Variants in PCDHA2 observed in about 807,000 individuals in gnomAD.
The protein encoded by PCDHA2 is protocadherin alpha-2.
Under a neutral mutation model 66.0 loss-of-function variants are expected in PCDHA2, and 58 were observed. That is an observed-to-expected ratio of 0.88 (90% CI 0.71 to 1.09). The LOEUF is 1.09. Among genes scored for constraint, PCDHA2 ranks in the 50% least tolerant of loss-of-function variants. The pLI is 0.00. For synonymous variants in PCDHA2, 634 were observed against 554.0 expected (o/e 1.14, Z -2.03); for missense variants, 1,267 against 1,242.3 (o/e 1.02, Z -0.30).
At chr5:140,856,019 C>G in intron 1 of PCDHA2, 1 of 1,551,820 alleles carries the variant, frequency 6.4e-7, no homozygotes, top group Non-Finnish European at 8.7e-7. Flanking sequence ...ACCGCTGATT[C>G]GTCGATTTGT....
chr5:140,809,245 T>C, intron 1 of PCDHA2: 1 of 1,614,066 alleles, frequency 6.2e-7, no homozygotes, highest in Non-Finnish European at 8.5e-7. Context: ...TGGTGGGCGC[T>C]GTGGGTCCCG....
At chr5:140,816,136 A>C (rs1554126988) in intron 1 of PCDHA2, 1 of 152,158 alleles carries the variant, frequency 6.6e-6, no homozygotes, top group Non-Finnish European at 1.5e-5. Flanking sequence ...TGTCATAATG[A>C]GTAGAGCAGC....
chr5:141,003,453 A>T (rs2098125483), intron 3 of PCDHA2, among the ~76,000 whole-genome samples: 1 of 152,126 alleles, frequency 6.6e-6, no homozygotes, highest in East Asian at 1.9e-4. Flanking sequence ...ATGAAATTAC[A>T]GGCGTGCACC....
At chr5:140,897,518 T>A (rs2066160092) in intron 1 of PCDHA2, among the ~76,000 whole-genome samples, 2 of 152,260 alleles carry the variant, frequency 1.3e-5, no homozygotes, top group Admixed American at 1.3e-4. Context: ...GGACATGAAC[T>A]CATCATTTTT....
chr5:140,919,301 A>G (rs1278715166), intron 1 of PCDHA2, among the ~76,000 whole-genome samples: 1 of 152,158 alleles, frequency 6.6e-6, no homozygotes, highest in African/African-American at 2.4e-5. Context: ...CTGTTTGTAC[A>G]ATATATGTTT....
chr5:140,928,468 G>A, intron 1 of PCDHA2: 1 of 1,614,154 alleles, frequency 6.2e-7, no homozygotes. Flanking sequence ...TTTCCAAGTA[G>A]AAGGCCGGGA....
chr5:140,967,021 C>G, intron 1 of PCDHA2: 2 of 1,607,830 alleles, frequency 1.2e-6, no homozygotes, highest in Non-Finnish European at 1.7e-6. Context: ...TGGGTGCGCC[C>G]AGTCCGCGCT....
intron 1 of PCDHA2, chr5:140,821,922 G>A (rs141952109): frequency 6.2e-7 from 1 of 1,614,230 alleles, no homozygotes; most frequent in Non-Finnish European, 8.5e-7. Context: ...GCATCGCGCA[G>A]GACCTAGGGC....
intron 1 of PCDHA2, among the ~76,000 whole-genome samples, chr5:140,935,712 T>C (rs1480290454): frequency 1.3e-5 from 2 of 152,138 alleles, no homozygotes; most frequent in African/African-American, 4.8e-5. Context: ...TAAAACAAAA[T>C]ATATTTAGAG....
In PCDHA2 at chr5:141,010,994, G is replaced by A. The variant is rs1338532762; in HGVS notation, c.*1057G>A. ...TTTAAGAGAATTGCCTGAAACATCTGTATTATATCGGCCACCTGCCAATCA... is the reference window on the plus strand; with the variant it reads ...TTTAAGAGAATTGCCTGAAACATCTATATTATATCGGCCACCTGCCAATCA... On this transcript the variant is annotated 3_prime_UTR_variant, in exon 4 of 4. Transcript: ENST00000526136. The A allele has an allele frequency of 6.5e-6, 1 of 153,710 alleles. No homozygotes were observed. The highest frequency in any genetic ancestry group is 1.5e-5 in the Non-Finnish European group (1 of 68,046). The allele number at this position is 153,710 out of a possible 1,614,324, so 9.5% of individuals were successfully genotyped here.
intron 1 of PCDHA2, among the ~76,000 whole-genome samples, chr5:140,844,638 T>C (rs1352233987): frequency 8.0e-5 from 12 of 149,752 alleles, no homozygotes; most frequent in African/African-American, 2.7e-4. Flanking sequence ...CTATACATGA[T>C]AATTTCATTC....
chr5:140,881,659 T>C (rs2058783076), intron 1 of PCDHA2, among the ~76,000 whole-genome samples: 1 of 152,240 alleles, frequency 6.6e-6, no homozygotes, highest in African/African-American at 2.4e-5. Flanking sequence ...CTTCACCGAT[T>C]TTATTCTTAT....
chr5:140,807,924 T>G (rs1245397116), intron 1 of PCDHA2: 2 of 1,614,036 alleles, frequency 1.2e-6, no homozygotes, highest in Non-Finnish European at 1.7e-6. Flanking sequence ...GACAGAACCA[T>G]TTATAAGGTG....
chr5:140,967,018 G>T, intron 1 of PCDHA2: 1 of 1,607,168 alleles, frequency 6.2e-7, no homozygotes, highest in Non-Finnish European at 8.5e-7. Context: ...ATCTGGGTGC[G>T]CCCAGTCCGC....
intron 1 of PCDHA2, chr5:140,816,268 T>C (rs1765873887): frequency 3.9e-5 from 6 of 152,238 alleles, no homozygotes; most frequent in Admixed American, 3.9e-4. Context: ...GACTCATTCT[T>C]CTACTTGATT....
At chr5:140,976,080 A>G (rs1487401919) in intron 1 of PCDHA2, among the ~76,000 whole-genome samples, 1 of 152,226 alleles carries the variant, frequency 6.6e-6, no homozygotes, top group African/African-American at 2.4e-5. Flanking sequence ...TGTGTCAGAT[A>G]TATCAGTAGT....
chr5:140,819,827 T>C (rs1029302500), intron 1 of PCDHA2, among the ~76,000 whole-genome samples: 4 of 152,058 alleles, frequency 2.6e-5, no homozygotes, highest in Admixed American at 6.5e-5. Context: ...TGAACTGATA[T>C]TGTTGATGAC....
chr5:140,975,461 G>A (rs2096668419), intron 1 of PCDHA2, among the ~76,000 whole-genome samples: 1 of 152,196 alleles, frequency 6.6e-6, no homozygotes, highest in Non-Finnish European at 1.5e-5. Context: ...GGCCATCTTG[G>A]AATTCTGCCT....
chr5:140,821,778 G>A, intron 1 of PCDHA2: 1 of 1,607,492 alleles, frequency 6.2e-7, no homozygotes, highest in South Asian at 1.1e-5. Flanking sequence ...AGATTGAGAT[G>A]GTATATTCCC....
Sources: allele counts gnomAD v4.1 joint callset (sites outside exome capture counted in the v4.1 genomes callset), GRCh38; gene constraint gnomAD v4.1.1; transcripts MANE v1.5; gene names NCBI Gene and HGNC (gene_info 2026-07-23, HGNC 2026-07-21).